Variants in IQCB1 observed in about 807,000 individuals in gnomAD.
IQCB1 encodes the protein IQ calmodulin-binding motif-containing protein 1.
In IQCB1, 56 loss-of-function variants were observed where a neutral mutation model predicts 84.4. The ratio of observed to expected loss-of-function variants is 0.66; its 90% CI spans 0.54 to 0.83. The LOEUF is 0.83. Ranked by LOEUF, IQCB1 falls within the 40% of genes least tolerant of loss-of-function variation. The probability of loss-of-function intolerance (pLI) is 0.00; values close to 1 mark genes in which losing one functional copy is unlikely to be tolerated. For missense variants in IQCB1, 629 were observed against 682.1 expected (o/e 0.92, Z 0.87); for synonymous variants, 210 against 234.8 (o/e 0.89, Z 0.96).
At chr3:121,800,994 T>TTAAG (rs1949387152) in intron 7 of IQCB1, among the ~76,000 whole-genome samples, 1 of 151,990 alleles carries the variant, frequency 6.6e-6, no homozygotes, top group Admixed American at 6.6e-5. Context: ...TACTTTCTAC[T>TTAAG]TACTCAGCTT....
Position 121,828,490 on chromosome 3 carries a change from G to A in IQCB1, c.243C>T (p.Ser81=), listed in dbSNP as rs749041394. 1.9e-6 allele frequency: 3 copies of A among 1,613,082 alleles called. No individual in the cohort carries two copies. In the South Asian group the frequency reaches 3.3e-5, roughly 18 times the overall value. ...TTTACCTTAATATCTGTGTAAGCTG[G>A]GAAATTGTAGTCCAACCACCCTGGA... The part of the protein sequence containing the change: ...SRIQGGWTTI[S]QLTQILSHCC... The change falls in exon 4 of 15, where the codon TCC becomes TCT. Residue 81 remains serine (S), a synonymous_variant. Coordinates refer to ENST00000310864, the MANE Select transcript of IQCB1 (RefSeq NM_001023570.4).
chr3:121,821,689 TGTTGACCTAA>T lies in IQCB1; in HGVS notation c.393+4352_393+4361del, dbSNP rs1420393393. Among the ~76,000 whole-genome samples the T allele has an allele frequency of 2.6e-5, 4 of 152,314 alleles. No individual in the cohort carries two copies. In the East Asian group the frequency reaches 7.7e-4, roughly 29 times the overall value. On this transcript the variant is annotated intron_variant, in intron 5 of 14. Coordinates refer to ENST00000310864, the MANE Select transcript of IQCB1 (RefSeq NM_001023570.4). ...TGGATTTAGCCCACAGGCCATAGTT[TGTTGACCTAA>T]GCTTTTGCTGACCAAATGTATAAAC...
chr3:121,822,482 T>A (rs904625498), intron 5 of IQCB1, among the ~76,000 whole-genome samples: 1 of 152,176 alleles, frequency 6.6e-6, no homozygotes, highest in Non-Finnish European at 1.5e-5. Flanking sequence ...AAAATCTATA[T>A]ACAAACTTCC....
intron 12 of IQCB1, among the ~76,000 whole-genome samples, chr3:121,784,245 T>C (rs1007612018): frequency 8.6e-5 from 13 of 151,912 alleles, no homozygotes; most frequent in African/African-American, 3.1e-4. Flanking sequence ...TGATATTTCA[T>C]ATGTTGACCA....
At chr3:121,814,445 C>G (rs912455534) in intron 5 of IQCB1, among the ~76,000 whole-genome samples, 6 of 152,004 alleles carry the variant, frequency 3.9e-5, no homozygotes, top group African/African-American at 1.4e-4. Context: ...GATAGAGACA[C>G]GAAAAACCCT....
intron 5 of IQCB1, among the ~76,000 whole-genome samples, chr3:121,817,065 A>T (rs1950089879): frequency 6.6e-6 from 1 of 152,246 alleles, no homozygotes; most frequent in African/African-American, 2.4e-5. Context: ...ACACCATGGA[A>T]TACTATGCAG....
At chr3:121,772,959 A>G (rs890391810) in intron 13 of IQCB1, among the ~76,000 whole-genome samples, 5 of 150,038 alleles carry the variant, frequency 3.3e-5, no homozygotes, top group Admixed American at 1.3e-4. Flanking sequence ...TTTCTCAGAC[A>G]CTGTGGAATT....
chr3:121,812,592 G>C (rs1559788709), intron 5 of IQCB1, among the ~76,000 whole-genome samples: 1 of 152,166 alleles, frequency 6.6e-6, no homozygotes. Flanking sequence ...TGATGGAGCT[G>C]AAAAACACAG....
chr3:121,808,379 A>C (rs1949688908), intron 6 of IQCB1, among the ~76,000 whole-genome samples: 1 of 152,002 alleles, frequency 6.6e-6, no homozygotes, highest in African/African-American at 2.4e-5. Flanking sequence ...GAGCACCATG[A>C]ATGTAACTAA....
chr3:121,817,323 C>A (rs1219284552), intron 5 of IQCB1, among the ~76,000 whole-genome samples: 1 of 151,832 alleles, frequency 6.6e-6, no homozygotes, highest in African/African-American at 2.4e-5. Flanking sequence ...GGCTTAAAAC[C>A]TACATGACGA....
Position 121,770,590 on chromosome 3 carries a change from A to T in IQCB1, c.1568-16T>A. 1 of 1,592,890 alleles carries T rather than the reference A, an allele frequency of 6.3e-7. No individual in the cohort carries two copies. Among genetic ancestry groups the T allele is most frequent in the South Asian group, 1.1e-5 (1 of 90,314 alleles). On this transcript the variant is annotated splice_polypyrimidine_tract_variant and intron_variant, in intron 14 of 14. Transcript: ENST00000310864. ...CTTGGTGCCTCTGTAGTGGACAGAA[A>T]ATAAACAGATGAGCAGAAGAGTCCT...
At chr3:121,811,081 G>A (rs1183414025) in intron 5 of IQCB1, among the ~76,000 whole-genome samples, 1 of 152,128 alleles carries the variant, frequency 6.6e-6, no homozygotes, top group Non-Finnish European at 1.5e-5. Context: ...TCCAACTGAG[G>A]TACCCAGTTC....
At chr3:121,795,381 A>G in intron 10 of IQCB1, 76 bp downstream of exon 10, 1 of 854,352 alleles carries the variant, frequency 1.2e-6, no homozygotes. Flanking sequence ...AATTAAAAAA[A>G]AATCACCTAA....
At chr3:121,811,934 G>C (rs1443489205) in intron 5 of IQCB1, among the ~76,000 whole-genome samples, 1 of 152,216 alleles carries the variant, frequency 6.6e-6, no homozygotes, top group African/African-American at 2.4e-5. Flanking sequence ...GAATTTGTTA[G>C]TGCTAGAGCT....
intron 5 of IQCB1, among the ~76,000 whole-genome samples, chr3:121,820,531 A>G (rs1227018728): frequency 6.6e-6 from 1 of 152,174 alleles, no homozygotes; most frequent in African/African-American, 2.4e-5. Context: ...GGACTTTCCA[A>G]CCTATAGCCA....
intron 5 of IQCB1, among the ~76,000 whole-genome samples, chr3:121,822,570 C>T (rs1260714942): frequency 6.6e-6 from 1 of 152,148 alleles, no homozygotes; most frequent in African/African-American, 2.4e-5. Context: ...AGCTGAAAGG[C>T]TGAAAGAAAT....
At chr3:121,824,315 G>A (rs1309126055) in intron 5 of IQCB1, among the ~76,000 whole-genome samples, 2 of 152,114 alleles carry the variant, frequency 1.3e-5, no homozygotes, top group Non-Finnish European at 2.9e-5. Flanking sequence ...TGCTGGTCAA[G>A]GGGTGCTTCA....
chr3:121,785,845 A>G (rs1490145785), intron 12 of IQCB1, among the ~76,000 whole-genome samples: 3 of 152,018 alleles, frequency 2.0e-5, no homozygotes, highest in Non-Finnish European at 4.4e-5. Context: ...ATTTTATTGA[A>G]CAGTGCAGAT....
At chr3:121,826,916 A>C (rs1283523772) in intron 4 of IQCB1, among the ~76,000 whole-genome samples, 1 of 152,150 alleles carries the variant, frequency 6.6e-6, no homozygotes, top group Non-Finnish European at 1.5e-5. Context: ...AATGAACAAA[A>C]ACTGCTGTTT....
Sources: allele counts gnomAD v4.1 joint callset (sites outside exome capture counted in the v4.1 genomes callset), GRCh38; gene constraint gnomAD v4.1.1; transcripts MANE v1.5; gene names NCBI Gene and HGNC (gene_info 2026-07-23, HGNC 2026-07-21).